Variants in DGKD observed in about 807,000 individuals in gnomAD.
The protein encoded by DGKD is DAG kinase delta.
Under a neutral mutation model 154.4 loss-of-function variants are expected in DGKD, and 68 were observed. That is an observed-to-expected ratio of 0.44 (90% CI 0.36 to 0.54). DGKD has a LOEUF of 0.54. Ranked by LOEUF, DGKD falls within the 20% of genes least tolerant of loss-of-function variation. The pLI, the probability that DGKD is intolerant of heterozygous loss-of-function variation, is 0.00. For synonymous variants in DGKD, 693 were observed against 638.0 expected, an observed-to-expected ratio of 1.09 and a Z score of -1.30; for missense variants, 1,343 against 1,593.6, an observed-to-expected ratio of 0.84 and a Z score of 2.68.
chr2:233,389,628 G>T (rs927457397), intron 2 of DGKD, among the ~76,000 whole-genome samples: 2 of 151,644 alleles, frequency 1.3e-5, no homozygotes, highest in African/African-American at 4.9e-5. Context: ...CTGGTGGTGC[G>T]GGGAGGGGAA....
chr2:233,442,253 A>T lies in DGKD; in HGVS notation c.1194+258A>T, dbSNP rs1012567843. The stretch of plus-strand genomic sequence containing the variant: ...AAGGGAGCTACGAAAAGAATTGCCC[A>T]CAAAGGACCCACATGGGGAGCAGGG... On this transcript the variant is annotated intron_variant, in intron 10 of 29. Transcript: ENST00000264057. 4.9e-6 allele frequency: 3 copies of T among 610,484 alleles called. No individual in the cohort carries two copies. The African/African-American group carries it at 5.5e-5, about 11-fold the overall frequency. 37.8% of individuals were successfully genotyped at this position (610,484 alleles called of 1,614,324 possible).
chr2:233,457,375 G>A lies in DGKD; in HGVS notation c.2580+47G>A, dbSNP rs764125813. 7.2e-7 allele frequency: 1 copy of A among 1,389,008 alleles called. No homozygotes were observed. Among genetic ancestry groups the A allele is most frequent in the Admixed American group, 1.7e-5 (1 of 59,330 alleles). The allele number at this position is 1,389,008 out of a possible 1,614,324, so 86.0% of individuals were successfully genotyped here. ...GTGGGCCTGAGCTCAGTGGGGAAGAGCTGTCTGAGAGCAGGGGGGTGTTCT... is the reference window on the plus strand; with the variant it reads ...GTGGGCCTGAGCTCAGTGGGGAAGAACTGTCTGAGAGCAGGGGGGTGTTCT... On this transcript the variant is annotated intron_variant, in intron 21 of 29. Coordinates refer to ENST00000264057, the MANE Select transcript of DGKD (RefSeq NM_152879.3). This position sits in a 1 kb window ranked among gnomAD's most constrained non-coding sequence, Gnocchi z 5.5.
At chr2:233,400,417 G>A (rs182046588) in intron 3 of DGKD, among the ~76,000 whole-genome samples, 252 of 152,298 alleles carry the variant, frequency 1.7e-3, no homozygotes, top group African/African-American at 5.8e-3. Context: ...AGGGCCCTTT[G>A]CCCTTCACAC....
chr2:233,446,567 G>A (rs1441137020), intron 11 of DGKD, 145 bp from the exon 12 acceptor site: 6 of 717,582 alleles, frequency 8.4e-6, no homozygotes, highest in African/African-American at 1.8e-5. Flanking sequence ...CCAAGTTATG[G>A]GACAGAGTCA....
chr2:233,434,403 C>T lies in DGKD; in HGVS notation c.372C>T (p.Leu124=). Residue 124 remains leucine, a synonymous_variant, in exon 4 of 30, where the codon CTC becomes CTT. Transcript: ENST00000264057. ...SFTVITPCRK[L]ILCADNRKEM... is the part of the protein sequence containing the mutation. ...AGGTCATAACTCCATGCAGGAAGCT[C>T]ATCTTGTGTGCTGATAACAGAAAAG... 2 of 1,614,156 alleles carry T rather than the reference C, an allele frequency of 1.2e-6. No individual in the cohort carries two copies. Among genetic ancestry groups the T allele is most frequent in the Admixed American group, 1.7e-5 (1 of 60,018 alleles).
chr2:233,437,152 G>T (rs999604895), intron 7 of DGKD, among the ~76,000 whole-genome samples: 1 of 152,206 alleles, frequency 6.6e-6, no homozygotes, highest in Non-Finnish European at 1.5e-5. Flanking sequence ...AGCATGACTG[G>T]CTCCTGCCGG....
chr2:233,400,905 A>C (rs1004408744), intron 3 of DGKD, among the ~76,000 whole-genome samples: 1 of 152,056 alleles, frequency 6.6e-6, no homozygotes, highest in Non-Finnish European at 1.5e-5. Flanking sequence ...TTATGAGGGA[A>C]GTTTTATGCT....
At chr2:233,367,681 C>A (rs760780995) in intron 1 of DGKD, among the ~76,000 whole-genome samples, 1 of 151,984 alleles carries the variant, frequency 6.6e-6, no homozygotes, top group Non-Finnish European at 1.5e-5. Flanking sequence ...GTTTCAAAGA[C>A]TCTCACTTCT....
chr2:233,446,888 G>A (rs1322373033), intron 12 of DGKD, 92 bp downstream of exon 12: 6 of 1,438,970 alleles, frequency 4.2e-6, no homozygotes, highest in East Asian at 4.7e-5. Context: ...TTGCAGAGAC[G>A]CCTCCCCTTT....
At position 233,368,824 on chromosome 2, in the gene DGKD, G is replaced by A. The variant is rs556562260; in HGVS notation, c.156+14150G>A. On this transcript the variant is annotated intron_variant, in intron 1 of 29. Coordinates refer to ENST00000264057, the MANE Select transcript of DGKD (RefSeq NM_152879.3). ...AAACACACCTTCATCTGGCTCTTTG[G>A]TCTTTAAAGGCTTGCTTGCTATGTT... Among the ~76,000 whole-genome samples the A allele has an allele frequency of 3.3e-5, 5 of 152,240 alleles. No individual in the cohort carries two copies. The South Asian group carries it at 1.0e-3, about 32-fold the overall frequency.
At chr2:233,429,224 C>G in intron 3 of DGKD, 1 of 985,384 alleles carries the variant, frequency 1.0e-6, no homozygotes, top group Non-Finnish European at 1.2e-6. Flanking sequence ...GACTCAGGAC[C>G]TAAAACATCT....
intron 11 of DGKD, among the ~76,000 whole-genome samples, chr2:233,446,373 G>C (rs2063071149): frequency 6.6e-6 from 1 of 152,186 alleles, no homozygotes; most frequent in South Asian, 2.1e-4. Flanking sequence ...TGTGTGCCTT[G>C]GGGCCTGTGA....
At chr2:233,370,568 T>C (rs1401233052) in intron 1 of DGKD, among the ~76,000 whole-genome samples, 1 of 102,604 alleles carries the variant, frequency 9.7e-6, no homozygotes, top group African/African-American at 4.3e-5. Context: ...TCAGAACTTC[T>C]TCTTTTTTTT....
chr2:233,461,317 G>A (rs1016021869), intron 24 of DGKD, among the ~76,000 whole-genome samples: 5 of 152,226 alleles, frequency 3.3e-5, no homozygotes, highest in African/African-American at 7.2e-5. Flanking sequence ...AGGTGCACCC[G>A]TCGGTTTTGT....
intron 3 of DGKD, among the ~76,000 whole-genome samples, chr2:233,395,711 C>T (rs1275545486): frequency 9.4e-5 from 14 of 149,460 alleles, no homozygotes; most frequent in Non-Finnish European, 2.1e-4. Flanking sequence ...CTCTGTCGCC[C>T]GGGCTGGAGT....
At chr2:233,426,663 T>A (rs1043643274) in intron 3 of DGKD, among the ~76,000 whole-genome samples, 35 of 152,218 alleles carry the variant, frequency 2.3e-4, no homozygotes, top group Non-Finnish European at 4.9e-4. Flanking sequence ...TACAGTGTAT[T>A]CACTGTAGGC....
chr2:233,454,693 A>G, intron 18 of DGKD, 70 bp from the exon 19 acceptor site: 2 of 875,114 alleles, frequency 2.3e-6, no homozygotes, highest in Non-Finnish European at 1.9e-6. Context: ...AGAAATGCTG[A>G]GAGGTTGGGA....
chr2:233,460,849 G>A (rs1429559250), intron 24 of DGKD, among the ~76,000 whole-genome samples: 2 of 151,866 alleles, frequency 1.3e-5, no homozygotes, highest in African/African-American at 4.8e-5. Context: ...CCGAGATAGC[G>A]CCACTGCACT....
At chr2:233,361,006 T>TC (rs1370904013) in intron 1 of DGKD, among the ~76,000 whole-genome samples, 1 of 135,300 alleles carries the variant, frequency 7.4e-6, no homozygotes, top group Non-Finnish European at 1.6e-5. Flanking sequence ...TTTTTTTTTT[T>TC]CCAAGTTTTG....
Sources: gnomAD v4.1 joint callset for allele counts (sites outside exome capture counted in the v4.1 genomes callset) on GRCh38, gnomAD v4.1.1 for gene constraint, Gnocchi (gnomAD v3.1) non-coding constraint, MANE v1.5 for transcripts, NCBI Gene and HGNC (gene_info 2026-07-23, HGNC 2026-07-21) for gene names.